Variants in NDUFA9 observed in about 807,000 individuals in gnomAD.
The protein encoded by NDUFA9 is NADH:ubiquinone oxidoreductase subunit A9.
NDUFA9 carries 23 observed loss-of-function variants against 45.9 expected under a neutral mutation model. That is an observed-to-expected ratio of 0.50 (90% CI 0.36 to 0.71). The LOEUF (loss-of-function observed/expected upper bound fraction) is 0.71, where lower values mean the gene tolerates loss of function less well. NDUFA9 is among the 30% of genes least tolerant of loss of function. The pLI, the probability that NDUFA9 is intolerant of heterozygous loss-of-function variation, is 0.00. For missense variants in NDUFA9, 466 were observed against 488.2 expected, an observed-to-expected ratio of 0.95 and a Z score of 0.43; for synonymous variants, 176 against 170.5, an observed-to-expected ratio of 1.03 and a Z score of -0.25.
At chr12:4,673,988 G>A (rs1945903579) in intron 8 of NDUFA9, among the ~76,000 whole-genome samples, 1 of 152,192 alleles carries the variant, frequency 6.6e-6, no homozygotes, top group South Asian at 2.1e-4. Context: ...AACCCTACAA[G>A]CCAGAAGAGA....
chr12:4,664,082 C>G (rs566101976), intron 6 of NDUFA9, among the ~76,000 whole-genome samples: 2 of 152,128 alleles, frequency 1.3e-5, no homozygotes, highest in Admixed American at 1.3e-4. Flanking sequence ...CGACTGCTTA[C>G]AACAGAATAG....
chr12:4,658,433 T>C (rs200052207), intron 4 of NDUFA9, among the ~76,000 whole-genome samples: 17 of 86,650 alleles, frequency 2.0e-4, no homozygotes, highest in Admixed American at 1.8e-3. Flanking sequence ...TTATCCCCCC[T>C]AATGATTAAC....
chr12:4,679,762 A>G (rs988091143), intron 8 of NDUFA9, among the ~76,000 whole-genome samples: 8 of 152,210 alleles, frequency 5.3e-5, no homozygotes, highest in Non-Finnish European at 8.8e-5. Context: ...AAACGGGTAA[A>G]GAGAAGGCTA....
In NDUFA9 at chr12:4,691,362, G is replaced by A. The variant is rs928864670; in HGVS notation, c.*4254G>A. The A allele has an allele frequency of 2.6e-5, 4 of 152,216 alleles. No homozygotes were observed. Among genetic ancestry groups the A allele is most frequent in the Non-Finnish European group, 5.9e-5 (4 of 68,046 alleles). 9.4% of individuals were successfully genotyped at this position (152,216 alleles called of 1,614,324 possible). On this transcript the variant is annotated 3_prime_UTR_variant, in exon 11 of 11. Transcript: ENST00000266544. Reference sequence around the variant, plus strand: ...ATAGCTGCCGTTCCTGAGAAGGAGGGATTCCTATTTCCCAAATGCTGGAAA... The same window carrying A: ...ATAGCTGCCGTTCCTGAGAAGGAGGAATTCCTATTTCCCAAATGCTGGAAA...
At chr12:4,678,590 C>T (rs1040329414) in intron 8 of NDUFA9, among the ~76,000 whole-genome samples, 2 of 152,026 alleles carry the variant, frequency 1.3e-5, no homozygotes, top group Admixed American at 6.6e-5. Flanking sequence ...ACAAAGAAAT[C>T]TTAGAACTCA....
At chr12:4,681,153 CTTTT>C (rs1183286545) in intron 8 of NDUFA9, among the ~76,000 whole-genome samples, 1 of 151,824 alleles carries the variant, frequency 6.6e-6, no homozygotes, top group East Asian at 1.9e-4. Flanking sequence ...AAAAAAAAAT[CTTTT>C]TTATAAGGTT....
In NDUFA9 at chr12:4,689,682, T is replaced by G. The variant is rs1257666512; in HGVS notation, c.*2574T>G. On this transcript the variant is annotated 3_prime_UTR_variant, in exon 11 of 11. Coordinates refer to ENST00000266544, the MANE Select transcript of NDUFA9 (RefSeq NM_005002.5). ...TTTCTTAGTACAGAACAAAGTGAAGTCTCCCATGTCTACTTCTTTCTACAC... is the reference window on the plus strand; with the variant it reads ...TTTCTTAGTACAGAACAAAGTGAAGGCTCCCATGTCTACTTCTTTCTACAC... 5.6e-6 allele frequency: 1 copy of G among 178,212 alleles called. No individual in the cohort carries two copies. The highest frequency in any genetic ancestry group is 1.1e-5 in the Non-Finnish European group (1 of 87,450). The allele number at this position is 178,212 out of a possible 1,614,324, so 11.0% of individuals were successfully genotyped here.
rs762655026 is a variant in NDUFA9, at chr12:4,654,318, T to C, written c.76T>C (p.Ser26Pro). ...SRSAITAIAT[S>P]VCHGPPCRQL... ...TTCTGCCATTACTGCAATAGCCACA[T>C]CTGTGTGTCACGGCCCACCCTGTCG... The change falls in exon 2 of 11, where the codon TCT (serine) becomes CCT (proline). Residue 26 changes from serine to proline, a missense_variant. Coordinates refer to ENST00000266544, the MANE Select transcript of NDUFA9 (RefSeq NM_005002.5). 1 of 1,614,160 alleles carries C rather than the reference T, an allele frequency of 6.2e-7. No homozygotes were observed. The highest frequency in any genetic ancestry group is 2.2e-5 in the East Asian group (1 of 44,884).
chr12:4,676,267 C>T (rs968779966), intron 8 of NDUFA9, among the ~76,000 whole-genome samples: 3 of 152,208 alleles, frequency 2.0e-5, no homozygotes, highest in East Asian at 3.9e-4. Context: ...TCGTGTTCAA[C>T]GTAGTGTTGG....
chr12:4,650,899 G>A (rs910497410), intron 1 of NDUFA9, among the ~76,000 whole-genome samples: 1 of 152,104 alleles, frequency 6.6e-6, no homozygotes, highest in Non-Finnish European at 1.5e-5. Flanking sequence ...TGTGTTAGAT[G>A]GGATCAGACA....
chr12:4,668,742 ACAT>A (rs1945868059), intron 7 of NDUFA9: 2 of 540,166 alleles, frequency 3.7e-6, no homozygotes, highest in Non-Finnish European at 6.7e-6. Flanking sequence ...TGTGCTAGAC[ACAT>A]CATACATGTC....
At chr12:4,651,812 G>A (rs11063282) in intron 1 of NDUFA9, among the ~76,000 whole-genome samples, 39,663 of 151,918 alleles carry the variant, frequency 0.26, 5,320 homozygotes, top group Middle Eastern at 0.41. Flanking sequence ...TCCCATTGTC[G>A]TAAAAAACAT....
chr12:4,682,396 G>T, intron 9 of NDUFA9, 96 bp downstream of exon 9: 1 of 753,496 alleles, frequency 1.3e-6, no homozygotes, highest in East Asian at 2.7e-5. Flanking sequence ...TGTGTGAAGG[G>T]CTGGTCTCCA....
chr12:4,651,048 T>C (rs1409206875), intron 1 of NDUFA9, among the ~76,000 whole-genome samples: 3 of 152,232 alleles, frequency 2.0e-5, no homozygotes, highest in Admixed American at 1.3e-4. Flanking sequence ...CTAACACTTA[T>C]GTAGTTTAAA....
chr12:4,668,334 C>A, intron 6 of NDUFA9, 123 bp from the exon 7 acceptor site: 1 of 791,846 alleles, frequency 1.3e-6, no homozygotes, highest in South Asian at 1.8e-5. Flanking sequence ...TTCACTTCCT[C>A]AGAGTCAGCT....
At chr12:4,682,164 G>T (rs1300319769) in intron 8 of NDUFA9, 41 bp from the exon 9 acceptor site, 1 of 1,422,174 alleles carries the variant, frequency 7.0e-7, no homozygotes, top group Admixed American at 1.9e-5. Context: ...AACTTTGTGA[G>T]AAGCGTGTAA....
At chr12:4,662,695 T>C (rs760279506) in intron 6 of NDUFA9, 60 bp downstream of exon 6, 332 of 1,347,754 alleles carry the variant, frequency 2.5e-4, no homozygotes, top group Non-Finnish European at 3.2e-4. Flanking sequence ...TTGAAGCTGC[T>C]CAAGCTAACA....
rs532203492 is a variant in NDUFA9 at position 4,684,780 on chromosome 12, T to C, written c.897-479T>C. ...TATATTGTCGTCCTGATTTGAACCG[T>C]AGATTTTAGCCTTCTCCTTGCTTTT... On this transcript the variant is annotated intron_variant, in intron 9 of 10. Transcript: ENST00000266544. Among the ~76,000 whole-genome samples, 9 of 150,934 alleles carry C rather than the reference T, an allele frequency of 6.0e-5. No homozygotes were observed. The South Asian group carries it at 1.9e-3, about 32-fold the overall frequency.
intron 6 of NDUFA9, among the ~76,000 whole-genome samples, chr12:4,665,777 A>G (rs1288406984): frequency 2.7e-5 from 4 of 149,246 alleles, no homozygotes; most frequent in Non-Finnish European, 5.9e-5. Context: ...AGCCATCCTA[A>G]TAGTTCTAAG....
Sources: allele counts gnomAD v4.1 joint callset (sites outside exome capture counted in the v4.1 genomes callset), GRCh38; gene constraint gnomAD v4.1.1; transcripts MANE v1.5; gene names NCBI Gene and HGNC (gene_info 2026-07-23, HGNC 2026-07-21).